PLPP3: variants seen among roughly 807,000 people sequenced by gnomAD.
The protein encoded by PLPP3 is phospholipid phosphatase 3, also known as PAP2 beta.
PLPP3 carries 6 observed loss-of-function variants against 29.6 expected under a neutral mutation model. The observed-to-expected ratio is 0.20, with a 90% CI of 0.11 to 0.40. The LOEUF (loss-of-function observed/expected upper bound fraction) is 0.40. Ranked by LOEUF, PLPP3 falls within the 10% of genes least tolerant of loss-of-function variation. The pLI, the probability that PLPP3 is intolerant of heterozygous loss-of-function variation, is 1.00. For synonymous variants in PLPP3, 152 were observed against 159.7 expected (o/e 0.95, Z 0.36); for missense variants, 308 against 407.7 (o/e 0.76, Z 2.11).
intron 1 of PLPP3, among the ~76,000 whole-genome samples, chr1:56,539,940 G>A (rs960563779): frequency 2.0e-5 from 3 of 152,124 alleles, no homozygotes; most frequent in African/African-American, 4.8e-5. Flanking sequence ...AACTCAGGAA[G>A]GGAACAGACC....
intron 2 of PLPP3, among the ~76,000 whole-genome samples, chr1:56,529,907 A>C (rs1468485900): frequency 6.6e-6 from 1 of 152,118 alleles, no homozygotes; most frequent in African/African-American, 2.4e-5. Context: ...GGGGCTACAG[A>C]AGTTATTTAT....
Position 56,524,125 on chromosome 1 carries a change from A to C in PLPP3, c.575+152T>G, listed in dbSNP as rs1358693424. 12 of 960,790 alleles carry C rather than the reference A, an allele frequency of 1.2e-5. No homozygotes were observed. The Admixed American group carries it at 2.4e-4, about 19-fold the overall frequency. 59.5% of individuals were successfully genotyped at this position (960,790 alleles called of 1,614,324 possible). The stretch of plus-strand genomic sequence containing the variant: ...TGCTATATCGGAAGTATTGATTTAC[A>C]TATCTGTCTCAATCATCTGACTGTG... On this transcript the variant is annotated intron_variant, in intron 3 of 5. Transcript: ENST00000371250. The surrounding 1 kb of genome is among the most constrained non-coding windows in gnomAD (Gnocchi z 4.3).
At chr1:56,496,850 G>A (rs943528773) in intron 5 of PLPP3, among the ~76,000 whole-genome samples, 174 bp from the exon 6 acceptor site, 3 of 152,126 alleles carry the variant, frequency 2.0e-5, no homozygotes, top group African/African-American at 7.2e-5. Context: ...TACAGATAGG[G>A]AAACTGAGAC....
intron 5 of PLPP3, among the ~76,000 whole-genome samples, chr1:56,500,715 A>C (rs916491795): frequency 3.9e-5 from 6 of 152,156 alleles, no homozygotes; most frequent in African/African-American, 1.4e-4. Context: ...CATTAAGATC[A>C]TGTTGGAGGT....
rs1240016795 is a variant in PLPP3, at chr1:56,579,085, G to A, written c.-69C>T. 8.4e-6 allele frequency: 13 copies of A among 1,553,416 alleles called. No individual in the cohort carries two copies. The highest frequency in any genetic ancestry group is 1.9e-5 in the Admixed American group (1 of 52,704). On this transcript the variant is annotated 5_prime_UTR_variant, in exon 1 of 6. Transcript: ENST00000371250. ...CGCAACAGCAGCCACACACCCAGGC[G>A]CCCGGGTCGCCTCCTGGCCGAGGCT...
At chr1:56,557,008 A>AAGAAAG (rs1553139323) in intron 1 of PLPP3, among the ~76,000 whole-genome samples, 157 of 13,720 alleles carry the variant, frequency 0.011, 4 homozygotes, top group African/African-American at 0.022. Context: ...GAAAGAAAGA[A>AAGAAAG]AGAGAGAGAG....
intron 1 of PLPP3, among the ~76,000 whole-genome samples, chr1:56,566,604 C>T (rs1646163300): frequency 6.6e-6 from 1 of 152,132 alleles, no homozygotes; most frequent in South Asian, 2.1e-4. Flanking sequence ...AGAACTTGGG[C>T]AAATCATTTA....
Position 56,531,157 on chromosome 1 carries a change from C to G in PLPP3, c.297+5798G>C, listed in dbSNP as rs185466907. On this transcript the variant is annotated intron_variant, in intron 2 of 5. Transcript: ENST00000371250. ...GATGATGATGAAGCCTTGGCATAAGCCTTAGCCTTAAGTGCTCTTCCTCTG... is the reference window on the plus strand; with the variant it reads ...GATGATGATGAAGCCTTGGCATAAGGCTTAGCCTTAAGTGCTCTTCCTCTG... 2.1e-4 allele frequency among the ~76,000 whole-genome samples: 32 copies of G among 152,236 alleles called. 1 individual carries two copies. The highest frequency in any genetic ancestry group is 1.9e-3 in the Admixed American group (29 of 15,292).
At chr1:56,500,717 G>A (rs1645661604) in intron 5 of PLPP3, among the ~76,000 whole-genome samples, 1 of 152,166 alleles carries the variant, frequency 6.6e-6, no homozygotes, top group African/African-American at 2.4e-5. Flanking sequence ...TTAAGATCAT[G>A]TTGGAGGTCA....
At chr1:56,576,728 T>TAAACAGTGA (rs1646238160) in intron 1 of PLPP3, among the ~76,000 whole-genome samples, 1 of 152,122 alleles carries the variant, frequency 6.6e-6, no homozygotes, top group Admixed American at 6.6e-5. Context: ...AGTGAATAAA[T>TAAACAGTGA]ATAATAAACA....
Position 56,495,753 on chromosome 1 carries a change from A to G in PLPP3, c.*798T>C, listed in dbSNP as rs1279632282. Reference sequence around the variant, plus strand: ...GGGAGAAGGCAGTAACCGAAGTCGAACTGTTTCTAAGAGTATGCAAGTGCC... The same window carrying G: ...GGGAGAAGGCAGTAACCGAAGTCGAGCTGTTTCTAAGAGTATGCAAGTGCC... On this transcript the variant is annotated 3_prime_UTR_variant, in exon 6 of 6. Coordinates refer to ENST00000371250, the MANE Select transcript of PLPP3 (RefSeq NM_003713.5). 6.6e-6 allele frequency: 1 copy of G among 152,668 alleles called. No individual in the cohort carries two copies. The highest frequency in any genetic ancestry group is 1.5e-5 in the Non-Finnish European group (1 of 68,052). The allele number at this position is 152,668 out of a possible 1,614,324, so 9.5% of individuals were successfully genotyped here. A position where few individuals can be genotyped will look rare whatever the true frequency, so the allele number is the denominator to read the frequency against.
chr1:56,563,486 T>A (rs1352729538), intron 1 of PLPP3, among the ~76,000 whole-genome samples: 1 of 152,230 alleles, frequency 6.6e-6, no homozygotes. Flanking sequence ...TCCATTTCTG[T>A]AGAAAATTGG....
chr1:56,528,919 TA>T (rs1645869642), intron 2 of PLPP3, among the ~76,000 whole-genome samples: 1 of 151,224 alleles, frequency 6.6e-6, no homozygotes, highest in Non-Finnish European at 1.5e-5. Context: ...TGTTTTGTGT[TA>T]TTTTTAACAT....
chr1:56,496,640 T>C lies in PLPP3; in HGVS notation c.847A>G (p.Thr283Ala), dbSNP rs890556930. 6.2e-7 allele frequency: 1 copy of C among 1,613,640 alleles called. No individual in the cohort carries two copies. Among genetic ancestry groups the C allele is most frequent in the African/African-American group, 1.3e-5 (1 of 74,830 alleles). ...FVSDLFKTKT[T>A]LSLPAPAIRK... ...ATAGCAGGGGCAGGCAGGGAGAGCG[T>C]CGTCTTAGTCTTGAAGAGGTCAGAC... Residue 283 changes from threonine to alanine, a missense_variant, in exon 6 of 6, where the codon ACG becomes GCG. Physicochemically the swap from Thr to Ala is moderately conservative, Grantham distance 58. This residue lies in a region of PLPP3 where 232 missense variants were observed against 317.2 expected (regional missense o/e 0.73). Transcript: ENST00000371250.
intron 1 of PLPP3, among the ~76,000 whole-genome samples, chr1:56,538,193 G>A (rs1645940973): frequency 6.6e-6 from 1 of 152,100 alleles, no homozygotes; most frequent in African/African-American, 2.4e-5. Context: ...CCATGACCTG[G>A]ACATCTCTCC....
intron 2 of PLPP3, among the ~76,000 whole-genome samples, chr1:56,535,487 T>C (rs1645920579): frequency 6.6e-6 from 1 of 152,212 alleles, no homozygotes; most frequent in South Asian, 2.1e-4. Context: ...TTGCTCATTG[T>C]ATAATGAGGC....
In PLPP3 at chr1:56,495,350, G is replaced by A. The variant is rs565326908; in HGVS notation, c.*1201C>T. 6.5e-6 allele frequency: 1 copy of A among 152,702 alleles called. No homozygotes were observed. Among genetic ancestry groups the A allele is most frequent in the Non-Finnish European group, 1.5e-5 (1 of 68,038 alleles). The allele number at this position is 152,702 out of a possible 1,614,324, so 9.5% of individuals were successfully genotyped here. On this transcript the variant is annotated 3_prime_UTR_variant, in exon 6 of 6. Transcript: ENST00000371250. ...TATCACCTAGAGTGGGACCTTGCAT[G>A]GAAGGACACTTACGGATAGAGGATG...
chr1:56,574,304 C>T (rs1384980356), intron 1 of PLPP3, among the ~76,000 whole-genome samples: 1 of 152,056 alleles, frequency 6.6e-6, no homozygotes, highest in African/African-American at 2.4e-5. Flanking sequence ...GGCTGGAGTG[C>T]AGTGACACAA....
At chr1:56,564,500 G>A (rs1646149113) in intron 1 of PLPP3, among the ~76,000 whole-genome samples, 1 of 152,052 alleles carries the variant, frequency 6.6e-6, no homozygotes, top group African/African-American at 2.4e-5. Flanking sequence ...TCAGTAAAAG[G>A]GATTATTAAT....
Sources: gnomAD v4.1 joint callset for allele counts (sites outside exome capture counted in the v4.1 genomes callset) on GRCh38, gnomAD v4.1.1 for gene constraint, gnomAD v4.1.1 regional missense constraint, Gnocchi (gnomAD v3.1) non-coding constraint, MANE v1.5 for transcripts, NCBI Gene and HGNC (gene_info 2026-07-23, HGNC 2026-07-21) for gene names.